UNC13C: variants seen among roughly 807,000 people sequenced by gnomAD.
UNC13C encodes the protein unc-13 homolog C.
In UNC13C, 174 loss-of-function variants were observed where a neutral mutation model predicts 245.4. That is an observed-to-expected ratio of 0.71 (90% CI 0.63 to 0.80). The LOEUF (loss-of-function observed/expected upper bound fraction) is 0.80, where lower values mean the gene tolerates loss of function less well. Among genes scored for constraint, UNC13C ranks in the 30% least tolerant of loss-of-function variants. The pLI is 0.00. For missense variants in UNC13C, 2,829 were observed against 2,602.9 expected, an observed-to-expected ratio of 1.09 and a Z score of -1.89; for synonymous variants, 992 against 895.1, an observed-to-expected ratio of 1.11 and a Z score of -1.93.
intron 23 of UNC13C, among the ~76,000 whole-genome samples, chr15:54,509,134 G>A (rs920862217): frequency 6.6e-5 from 10 of 152,190 alleles, no homozygotes; most frequent in Non-Finnish European, 1.3e-4. Flanking sequence ...GGGAGATGGA[G>A]GTTGCAGTGA....
the UNC13C span, among the ~76,000 whole-genome samples, chr15:53,907,489 A>C: frequency 6.6e-6 from 1 of 152,202 alleles, no homozygotes; most frequent in Non-Finnish European, 1.5e-5. Context: ...AGATGGGAAG[A>C]GCTCTTCTTC....
intron 2 of UNC13C, among the ~76,000 whole-genome samples, chr15:54,031,885 G>C (rs1896372229): frequency 6.6e-6 from 1 of 152,096 alleles, no homozygotes. Context: ...AATAAATTAT[G>C]GCATATCATT....
intron 4 of UNC13C, among the ~76,000 whole-genome samples, chr15:54,195,651 T>C (rs1286641460): frequency 6.6e-6 from 1 of 152,140 alleles, no homozygotes; most frequent in Non-Finnish European, 1.5e-5. Flanking sequence ...TAATACTTGC[T>C]CTTTCGTCTC....
chr15:54,621,019 CAA>C (rs1448712268), intron 30 of UNC13C, among the ~76,000 whole-genome samples: 1 of 152,038 alleles, frequency 6.6e-6, no homozygotes, highest in Non-Finnish European at 1.5e-5. Context: ...TTCTTATGTC[CAA>C]AGTGACCACT....
intron 18 of UNC13C, among the ~76,000 whole-genome samples, chr15:54,409,394 A>T (rs939691073): frequency 2.0e-5 from 3 of 151,668 alleles, no homozygotes; most frequent in Non-Finnish European, 4.4e-5. Flanking sequence ...CTTTTATGTG[A>T]GGTTCAGTGG....
At position 54,250,324 on chromosome 15, in the gene UNC13C, T is replaced by A; in HGVS notation, c.3328T>A (p.Tyr1110Asn). The A allele has an allele frequency of 6.2e-7, 1 of 1,613,952 alleles. No homozygotes were observed. Among genetic ancestry groups the A allele is most frequent in the Non-Finnish European group, 8.5e-7 (1 of 1,179,842 alleles). ...FEVWTATTPT[Y>N]CYECEGLLWG... ...GGTCTGGACGGCTACCACACCCACC[T>A]ACTGTTATGAGTGTGAAGGGCTCCT... The change falls in exon 8 of 33, where the codon TAC becomes AAC. Residue 1110 changes from tyrosine to asparagine, a missense_variant. Coordinates refer to ENST00000260323, the MANE Select transcript of UNC13C (RefSeq NM_001080534.3).
At chr15:54,262,332 C>G (rs2036447161) in intron 8 of UNC13C, among the ~76,000 whole-genome samples, 2 of 152,210 alleles carry the variant, frequency 1.3e-5, no homozygotes, top group Admixed American at 1.3e-4. Flanking sequence ...ATTTTTATGA[C>G]ATTTCTAACC....
intron 1 of UNC13C, among the ~76,000 whole-genome samples, chr15:53,996,547 A>G (rs186836656): frequency 6.6e-6 from 1 of 152,324 alleles, no homozygotes; most frequent in East Asian, 1.9e-4. Flanking sequence ...AAGAATTTTT[A>G]AAAATGAAAA....
the UNC13C span, among the ~76,000 whole-genome samples, chr15:53,930,624 G>GA: frequency 2.6e-5 from 4 of 152,140 alleles, no homozygotes; most frequent in Non-Finnish European, 5.9e-5. Context: ...TCTGTGCTGG[G>GA]AAAAATTGTT....
chr15:53,867,054 A>G, the UNC13C span, among the ~76,000 whole-genome samples: 2 of 152,226 alleles, frequency 1.3e-5, no homozygotes, highest in East Asian at 1.9e-4. Context: ...TCTGAGGAAC[A>G]TCCTCAGTAA....
chr15:54,049,740 C>T (rs970654532), intron 2 of UNC13C: 7 of 240,440 alleles, frequency 2.9e-5, no homozygotes, highest in Middle Eastern at 4.6e-4. Flanking sequence ...AGTTTTATTA[C>T]GTAAGTGTAA....
At chr15:54,220,981 G>C (rs932013468) in intron 4 of UNC13C, among the ~76,000 whole-genome samples, 12 of 151,996 alleles carry the variant, frequency 7.9e-5, no homozygotes, top group African/African-American at 2.9e-4. Flanking sequence ...TGCTGGCTTA[G>C]AGGACAATAT....
At chr15:54,153,536 G>C (rs1221534109) in intron 4 of UNC13C, among the ~76,000 whole-genome samples, 1 of 151,980 alleles carries the variant, frequency 6.6e-6, no homozygotes, top group African/African-American at 2.4e-5. Flanking sequence ...ACTAGATCTA[G>C]CTGACTCCAG....
chr15:54,134,506 T>G (rs2141221290), intron 2 of UNC13C, among the ~76,000 whole-genome samples: 1 of 152,138 alleles, frequency 6.6e-6, no homozygotes. Flanking sequence ...AGGTTTTTTG[T>G]TTTTTGTTTT....
At chr15:54,194,481 A>C (rs2034288331) in intron 4 of UNC13C, among the ~76,000 whole-genome samples, 1 of 152,202 alleles carries the variant, frequency 6.6e-6, no homozygotes, top group South Asian at 2.1e-4. Context: ...ATTAAAAGAC[A>C]GTGTTAAATG....
chr15:54,481,056 T>G (rs2141062985), intron 19 of UNC13C, among the ~76,000 whole-genome samples: 1 of 152,244 alleles, frequency 6.6e-6, no homozygotes, highest in East Asian at 1.9e-4. Context: ...GTAGGATGCT[T>G]TGGTTTTGTT....
chr15:54,548,723 T>C (rs1208073826), intron 27 of UNC13C, among the ~76,000 whole-genome samples: 1 of 152,156 alleles, frequency 6.6e-6, no homozygotes, highest in Non-Finnish European at 1.5e-5. Flanking sequence ...CTATGACATT[T>C]CATTTTCTGT....
intron 19 of UNC13C, among the ~76,000 whole-genome samples, chr15:54,474,572 T>C (rs570159787): frequency 3.9e-5 from 6 of 152,052 alleles, no homozygotes; most frequent in African/African-American, 1.4e-4. Flanking sequence ...TGAGTTCTTG[T>C]ATGTTCTGGA....
At chr15:53,961,651 A>G in the UNC13C span, among the ~76,000 whole-genome samples, 1 of 152,216 alleles carries the variant, frequency 6.6e-6, no homozygotes, top group Non-Finnish European at 1.5e-5. Flanking sequence ...GAGCATGTTA[A>G]ATTGGTTAAT....
Sources: gnomAD v4.1 joint callset for allele counts (sites outside exome capture counted in the v4.1 genomes callset) on GRCh38, gnomAD v4.1.1 for gene constraint, MANE v1.5 for transcripts, NCBI Gene and HGNC (gene_info 2026-07-23, HGNC 2026-07-21) for gene names.